Variants in KIF21B observed in about 807,000 individuals in gnomAD.
The protein encoded by KIF21B is kinesin family member 21B.
KIF21B carries 85 observed loss-of-function variants against 192.9 expected under a neutral mutation model. The observed-to-expected ratio is 0.44, with a 90% CI of 0.37 to 0.53. The LOEUF is 0.53. Among genes scored for constraint, KIF21B ranks in the 20% least tolerant of loss-of-function variants. KIF21B has a pLI of 0.00. For synonymous variants in KIF21B, 832 were observed against 884.6 expected, an observed-to-expected ratio of 0.94 and a Z score of 1.05; for missense variants, 1,716 against 2,194.8, an observed-to-expected ratio of 0.78 and a Z score of 4.36.
At chr1:201,004,619 G>T in intron 6 of KIF21B, 147 bp downstream of exon 6, 1 of 1,173,214 alleles carries the variant, frequency 8.5e-7, no homozygotes, top group Non-Finnish European at 1.2e-6. Context: ...AAATGGGGAA[G>T]CTGGGGACAG....
chr1:200,987,292 G>C, intron 24 of KIF21B, 91 bp from the exon 25 acceptor site: 3 of 1,134,920 alleles, frequency 2.6e-6, no homozygotes, highest in Non-Finnish European at 3.7e-6. Flanking sequence ...TTTTTTTTGA[G>C]ACAGTGGTGC....
At chr1:201,004,679 C>A in intron 6 of KIF21B, 87 bp downstream of exon 6, 2 of 1,514,210 alleles carry the variant, frequency 1.3e-6, no homozygotes, top group Non-Finnish European at 1.8e-6. Flanking sequence ...CCAAGGAGGA[C>A]TCAGCAGGTG....
chr1:201,007,322 A>G (rs1160691899), intron 3 of KIF21B, among the ~76,000 whole-genome samples: 1 of 116,630 alleles, frequency 8.6e-6, no homozygotes, highest in Non-Finnish European at 1.8e-5. Flanking sequence ...ACACAGAGAC[A>G]CACAGACACA....
Position 200,979,527 on chromosome 1 carries a change from T to C in KIF21B, c.4160+8A>G. The C allele has an allele frequency of 1.3e-6, 2 of 1,513,730 alleles. No individual in the cohort carries two copies. The highest frequency in any genetic ancestry group is 1.3e-5 in the South Asian group (1 of 76,362). 93.8% of individuals were successfully genotyped at this position (1,513,730 alleles called of 1,614,324 possible). A position where few individuals can be genotyped will look rare whatever the true frequency, so the allele number is the denominator to read the frequency against. ...CCGACCACTGTGAGGCAGGCGGGGGTTACTCACGTGAGAGTCCGAATGCAC... is the reference window on the plus strand; with the variant it reads ...CCGACCACTGTGAGGCAGGCGGGGGCTACTCACGTGAGAGTCCGAATGCAC... On this transcript the variant is annotated splice_region_variant and intron_variant, in intron 30 of 34. Coordinates refer to ENST00000461742, the MANE Select transcript of KIF21B (RefSeq NM_001252102.2).
At chr1:201,008,636 G>T (rs1289967212) in intron 3 of KIF21B, 133 bp downstream of exon 3, 4 of 839,050 alleles carry the variant, frequency 4.8e-6, no homozygotes, top group Non-Finnish European at 3.7e-6. Context: ...TCTTTCAATA[G>T]CAGGGAACTC....
intron 9 of KIF21B, 46 bp downstream of exon 9, chr1:201,002,115 C>T: frequency 6.3e-7 from 1 of 1,575,056 alleles, no homozygotes; most frequent in Non-Finnish European, 8.7e-7. Flanking sequence ...GGGAGGGAGT[C>T]CTAGCCCGTT....
Position 200,987,050 on chromosome 1 carries a change from T to C in KIF21B, c.3560A>G (p.Tyr1187Cys). Residue 1187 changes from tyrosine (Y) to cysteine (C), a missense_variant, in exon 25 of 35, where the codon TAT (tyrosine) becomes TGT (cysteine). Transcript: ENST00000461742. ...DGVGFSVRDP[Y>C]YRDRVSRTVS... ...GGTGCGCGAGACCCTGTCCCGGTAATAGGGGTCTCGGACAGAGAAGCCCAC... is the reference window on the plus strand; with the variant it reads ...GGTGCGCGAGACCCTGTCCCGGTAACAGGGGTCTCGGACAGAGAAGCCCAC... 2 of 1,613,892 alleles carry C rather than the reference T, an allele frequency of 1.2e-6. No homozygotes were observed. The highest frequency in any genetic ancestry group is 1.3e-5 in the African/African-American group (1 of 74,930).
chr1:201,020,039 C>T (rs984165027), intron 1 of KIF21B, among the ~76,000 whole-genome samples: 2 of 152,078 alleles, frequency 1.3e-5, no homozygotes, highest in African/African-American at 4.8e-5. Flanking sequence ...TGGATCCCCC[C>T]CAAACCCCTA....
chr1:201,000,516 G>A lies in KIF21B; in HGVS notation c.1559C>T (p.Ser520Phe), dbSNP rs773441238. ...SARSPYSLGA[S>F]PAAPAFGGSP... ...GCCCCCGAAGGCCGGGGCGGCTGGA[G>A]AAGCACCCAGGGAGTAGGGGCTCCT... The change falls in exon 11 of 35, where the codon TCT (serine) becomes TTT (phenylalanine). Residue 520 changes from serine to phenylalanine, a missense_variant. By Grantham distance (155) the Ser-to-Phe change is radical. Around this residue, in one of 3 missense-constraint regions of KIF21B, gnomAD observed 1,087 missense variants for 1,316.6 expected, o/e 0.83. Coordinates refer to ENST00000461742, the MANE Select transcript of KIF21B (RefSeq NM_001252102.2). The surrounding 1 kb of genome is among the most constrained non-coding windows in gnomAD (Gnocchi z 6.0). 2.5e-6 allele frequency: 4 copies of A among 1,611,316 alleles called. No individual in the cohort carries two copies. The South Asian group carries it at 3.3e-5, about 13-fold the overall frequency.
At chr1:200,978,676 GTTTAC>G (rs980021553) in intron 30 of KIF21B, among the ~76,000 whole-genome samples, 37 of 152,262 alleles carry the variant, frequency 2.4e-4, no homozygotes, top group African/African-American at 8.4e-4. Flanking sequence ...AAAACCCTCT[GTTTAC>G]TTTATTCATT....
intron 14 of KIF21B, 30 bp from the exon 15 acceptor site, chr1:200,996,425 C>A: frequency 6.2e-7 from 1 of 1,604,448 alleles, no homozygotes. Context: ...GCTGTCGGTG[C>A]TGGGTCCCTA....
intron 1 of KIF21B, among the ~76,000 whole-genome samples, chr1:201,015,927 C>T (rs1194396291): frequency 6.6e-6 from 1 of 152,228 alleles, no homozygotes; most frequent in Non-Finnish European, 1.5e-5. Context: ...TGATATCCCT[C>T]TTGCCTTGTT....
In KIF21B at chr1:200,990,131, C is replaced by A. The variant is rs369334703; in HGVS notation, c.3030+7G>T. ...CTCCGCCCCAGCAGGCCCAGCCCTG[C>A]GGATACCTTGGTCTCCTCCAGCTGC... On this transcript the variant is annotated splice_region_variant and intron_variant, in intron 20 of 34. Coordinates refer to ENST00000461742, the MANE Select transcript of KIF21B (RefSeq NM_001252102.2). This position sits in a 1 kb window ranked among gnomAD's most constrained non-coding sequence, Gnocchi z 5.4. 59 of 1,611,828 alleles carry A rather than the reference C, an allele frequency of 3.7e-5. No homozygotes were observed. The highest frequency in any genetic ancestry group is 4.8e-5 in the Non-Finnish European group (57 of 1,178,434).
intron 27 of KIF21B, 55 bp from the exon 28 acceptor site, chr1:200,983,149 G>A: frequency 2.1e-6 from 3 of 1,447,080 alleles, no homozygotes; most frequent in African/African-American, 2.8e-5. Context: ...CACACACAGA[G>A]GGACGCAGAG....
chr1:200,973,587 G>A lies in KIF21B; in HGVS notation c.4815-9C>T. ...ACTTCACCGTCAGGTCACTGGGGTG[G>A]AGGACAAAGTGGAGGGGTGCCGGTC... On this transcript the variant is annotated splice_polypyrimidine_tract_variant and intron_variant, in intron 34 of 34. Transcript: ENST00000461742. 2 of 1,521,590 alleles carry A rather than the reference G, an allele frequency of 1.3e-6. No homozygotes were observed. The highest frequency in any genetic ancestry group is 1.8e-6 in the Non-Finnish European group (2 of 1,142,578). The allele number at this position is 1,521,590 out of a possible 1,614,324, so 94.3% of individuals were successfully genotyped here.
In KIF21B at chr1:200,973,796, C is replaced by T. The variant is rs1655358001; in HGVS notation, c.4815-218G>A. On this transcript the variant is annotated intron_variant, in intron 34 of 34. Coordinates refer to ENST00000461742, the MANE Select transcript of KIF21B (RefSeq NM_001252102.2). ...TCAGAGGCCCCCAGGGGAGCTTTGT[C>T]ATGGGTTTTCTTTTTTTGGGGGGGT... is the stretch of plus-strand genomic sequence containing the variant. 9.1e-6 allele frequency: 13 copies of T among 1,435,740 alleles called. No individual in the cohort carries two copies. The South Asian group carries it at 1.9e-4, about 22-fold the overall frequency. The allele number at this position is 1,435,740 out of a possible 1,614,324, so 88.9% of individuals were successfully genotyped here.
Position 200,977,108 on chromosome 1 carries a change from T to C in KIF21B, c.4325+104A>G, listed in dbSNP as rs1182275605. 3.7e-6 allele frequency: 5 copies of C among 1,350,272 alleles called. No individual in the cohort carries two copies. The African/African-American group carries it at 5.8e-5, about 16-fold the overall frequency. 83.6% of individuals were successfully genotyped at this position (1,350,272 alleles called of 1,614,324 possible). On this transcript the variant is annotated intron_variant, in intron 31 of 34. Transcript: ENST00000461742. ...CAGCAGCATGGGGGGAATAAAGGTGTTGCTGAGGTCCTACCCACCCTGGGG... is the reference window on the plus strand; with the variant it reads ...CAGCAGCATGGGGGGAATAAAGGTGCTGCTGAGGTCCTACCCACCCTGGGG...
intron 30 of KIF21B, 129 bp from the exon 31 acceptor site, chr1:200,977,505 G>C: frequency 8.8e-7 from 1 of 1,140,800 alleles, no homozygotes; most frequent in Non-Finnish European, 1.2e-6. Context: ...TTGACTGACA[G>C]AGAAGAGCAA....
chr1:200,970,994 T>A lies in KIF21B; in HGVS notation c.*2527A>T, dbSNP rs1655181710. 1 of 152,820 alleles carries A rather than the reference T, an allele frequency of 6.5e-6. No individual in the cohort carries two copies. Among genetic ancestry groups the A allele is most frequent in the South Asian group, 2.1e-4 (1 of 4,836 alleles). The allele number at this position is 152,820 out of a possible 1,614,324, so 9.5% of individuals were successfully genotyped here. On this transcript the variant is annotated 3_prime_UTR_variant, in exon 35 of 35. Transcript: ENST00000461742. Reference sequence around the variant, plus strand: ...AGACACAGGCACCCCCAATCTCACTTTGGACAGAGCCAACGTGGGGGGATC... The same window carrying A: ...AGACACAGGCACCCCCAATCTCACTATGGACAGAGCCAACGTGGGGGGATC...
Sources: gnomAD v4.1 joint callset for allele counts (sites outside exome capture counted in the v4.1 genomes callset) on GRCh38, gnomAD v4.1.1 for gene constraint, gnomAD v4.1.1 regional missense constraint, Gnocchi (gnomAD v3.1) non-coding constraint, MANE v1.5 for transcripts, NCBI Gene and HGNC (gene_info 2026-07-23, HGNC 2026-07-21) for gene names.